The following ITGA8 variants were observed in gnomAD, a reference collection of about 807,000 sequenced individuals.
ITGA8 encodes integrin subunit alpha 8.
A neutral mutation model predicts 142.3 loss-of-function variants in ITGA8; 91 were observed. The ratio of observed to expected loss-of-function variants is 0.64; its 90% CI spans 0.54 to 0.76. ITGA8 has a LOEUF of 0.76. Among genes scored for constraint, ITGA8 ranks in the 30% least tolerant of loss-of-function variants. The probability of loss-of-function intolerance (pLI) is 0.00; values close to 1 mark genes in which losing one functional copy is unlikely to be tolerated. For synonymous variants in ITGA8, 505 were observed against 485.2 expected (o/e 1.04, Z -0.54); for missense variants, 1,406 against 1,327.7 (o/e 1.06, Z -0.92).
intron 11 of ITGA8, among the ~76,000 whole-genome samples, chr10:15,655,142 C>G (rs1354665478): frequency 6.6e-6 from 1 of 152,126 alleles, no homozygotes; most frequent in African/African-American, 2.4e-5. Context: ...CCTCTAGAAG[C>G]AGCAGATGTG....
chr10:15,644,465 T>C (rs1172368813), intron 12 of ITGA8, among the ~76,000 whole-genome samples: 14 of 24,206 alleles, frequency 5.8e-4, no homozygotes, highest in East Asian at 7.6e-3. Flanking sequence ...TATATATATA[T>C]ATATATATAT....
intron 27 of ITGA8, among the ~76,000 whole-genome samples, chr10:15,535,422 C>A (rs1274177860): frequency 1.3e-5 from 2 of 152,206 alleles, no homozygotes; most frequent in Non-Finnish European, 1.5e-5. Flanking sequence ...ACTTGGAGAA[C>A]CTTTATGTCT....
chr10:15,538,314 AC>A (rs1401508845), intron 27 of ITGA8, among the ~76,000 whole-genome samples: 1 of 152,110 alleles, frequency 6.6e-6, no homozygotes, highest in Non-Finnish European at 1.5e-5. Flanking sequence ...GGAGTTCAAG[AC>A]CAGCCTGGCC....
intron 2 of ITGA8, among the ~76,000 whole-genome samples, chr10:15,707,159 C>G (rs1301218414): frequency 6.6e-6 from 1 of 152,174 alleles, no homozygotes; most frequent in Non-Finnish European, 1.5e-5. Flanking sequence ...CCAAAACTGA[C>G]TATATTAGGC....
In ITGA8 at chr10:15,658,546, C is replaced by G. The variant is rs190644539; in HGVS notation, c.948+453G>C. ...TGTCTGGCTGGTTCTTGTTTGAAAG[C>G]CTTCTTGTTAGCCTTCCCTTGCCTG... On this transcript the variant is annotated intron_variant, in intron 10 of 29. Transcript: ENST00000378076. Among the ~76,000 whole-genome samples, 229 of 152,174 alleles carry G rather than the reference C, an allele frequency of 1.5e-3. 1 individual carries two copies. The highest frequency in any genetic ancestry group is 5.3e-3 in the African/African-American group (222 of 41,514).
intron 22 of ITGA8, among the ~76,000 whole-genome samples, chr10:15,590,207 T>C (rs1373762598): frequency 6.6e-6 from 1 of 152,248 alleles, no homozygotes; most frequent in African/African-American, 2.4e-5. Context: ...AAATGGAATG[T>C]AATCAGTCAT....
intron 11 of ITGA8, among the ~76,000 whole-genome samples, chr10:15,654,157 T>A (rs918340865): frequency 2.0e-5 from 3 of 152,186 alleles, no homozygotes; most frequent in Non-Finnish European, 4.4e-5. Context: ...TTTCATGGCC[T>A]GATAGCTCAT....
At chr10:15,658,875 C>G in intron 10 of ITGA8, 124 bp downstream of exon 10, 2 of 674,684 alleles carry the variant, frequency 3.0e-6, no homozygotes, top group Non-Finnish European at 5.1e-6. Context: ...GTGCCTAGGA[C>G]AGTTTCCAGT....
At chr10:15,683,962 C>G (rs1278152530) in intron 4 of ITGA8, 42 bp downstream of exon 4, 1 of 1,611,972 alleles carries the variant, frequency 6.2e-7, no homozygotes, top group Non-Finnish European at 8.5e-7. Context: ...GATAGAAAAG[C>G]ACTTGAGCTA....
At chr10:15,616,813 A>G (rs563962120) in intron 13 of ITGA8, among the ~76,000 whole-genome samples, 1 of 152,300 alleles carries the variant, frequency 6.6e-6, no homozygotes, top group Non-Finnish European at 1.5e-5. Flanking sequence ...CTAGAAACTC[A>G]TCATCGCATC....
chr10:15,562,010 G>A (rs553427871), intron 25 of ITGA8, among the ~76,000 whole-genome samples: 3 of 152,114 alleles, frequency 2.0e-5, no homozygotes, highest in East Asian at 1.9e-4. Flanking sequence ...ATCAAATCTC[G>A]TGAGAACTCA....
rs1426203582 is a variant in ITGA8 at position 15,646,930 on chromosome 10, G to C, written c.1123C>G (p.Gln375Glu). 6.2e-7 allele frequency: 1 copy of C among 1,613,938 alleles called. No individual in the cohort carries two copies. The highest frequency in any genetic ancestry group is 1.7e-5 in the Admixed American group (1 of 60,006). Residue 375 changes from glutamine to glutamate, a missense_variant, in exon 12 of 30, where the codon CAG becomes GAG. Gln to Glu is a conservative substitution (Grantham distance 29). Transcript: ENST00000378076. ...QVSSLLFRDP[Q>E]ILTGTETFGR... ...AACGTCTCGGTGCCAGTGAGGATCT[G>C]GGGGTCTCTGAAGAGGAGAGAGCTC...
At chr10:15,677,945 T>C (rs531117186) in intron 5 of ITGA8, among the ~76,000 whole-genome samples, 1 of 152,348 alleles carries the variant, frequency 6.6e-6, no homozygotes, top group East Asian at 1.9e-4. Flanking sequence ...ACATGTTTAG[T>C]GCTGTGCAGT....
chr10:15,575,407 T>C, intron 24 of ITGA8, 82 bp downstream of exon 24: 1 of 970,794 alleles, frequency 1.0e-6, no homozygotes. Context: ...ATAATGATAA[T>C]GATAATAATG....
chr10:15,603,429 C>T (rs901691912), intron 20 of ITGA8, among the ~76,000 whole-genome samples: 20 of 152,284 alleles, frequency 1.3e-4, no homozygotes, highest in African/African-American at 4.3e-4. Flanking sequence ...TACACCTCAT[C>T]CTATGAAAGG....
intron 2 of ITGA8, among the ~76,000 whole-genome samples, chr10:15,715,980 C>T (rs1835443051): frequency 6.6e-6 from 1 of 152,226 alleles, no homozygotes; most frequent in South Asian, 2.1e-4. Context: ...GCCATTCCCA[C>T]TGGCAATCAA....
chr10:15,589,313 T>A lies in ITGA8; in HGVS notation c.2292-2649A>T, dbSNP rs572805983. Among the ~76,000 whole-genome samples, 4 of 152,310 alleles carry A rather than the reference T, an allele frequency of 2.6e-5. No individual in the cohort carries two copies. In the East Asian group the frequency reaches 7.7e-4, roughly 29 times the overall value. ...CAGCAAAGATAACACAGTATTCATC[T>A]CACCATTACTAAGGAAGAAACTCTG... On this transcript the variant is annotated intron_variant, in intron 22 of 29. Transcript: ENST00000378076.
At chr10:15,571,104 C>T (rs1006904346) in intron 25 of ITGA8, among the ~76,000 whole-genome samples, 1 of 152,120 alleles carries the variant, frequency 6.6e-6, no homozygotes, top group African/African-American at 2.4e-5. Context: ...TCTTGTGTAA[C>T]ACAAGTGGCC....
intron 25 of ITGA8, among the ~76,000 whole-genome samples, chr10:15,562,784 A>G (rs1834007535): frequency 6.6e-6 from 1 of 152,208 alleles, no homozygotes; most frequent in Non-Finnish European, 1.5e-5. Context: ...GCCCTGGGAC[A>G]TCCCAGAACC....
Sources: allele counts gnomAD v4.1 joint callset (sites outside exome capture counted in the v4.1 genomes callset), GRCh38; gene constraint gnomAD v4.1.1; transcripts MANE v1.5; gene names NCBI Gene and HGNC (gene_info 2026-07-23, HGNC 2026-07-21).